P2RX3: variants seen among roughly 807,000 people sequenced by gnomAD.
P2RX3 encodes purinergic receptor P2X 3, also known as P2X purinoceptor 3.
Under a neutral mutation model 51.5 loss-of-function variants are expected in P2RX3, and 41 were observed. That is an observed-to-expected ratio of 0.80 (90% CI 0.62 to 1.03). P2RX3 has a LOEUF of 1.03. Among genes scored for constraint, P2RX3 ranks in the 50% least tolerant of loss-of-function variants. P2RX3 has a pLI of 0.00. For missense variants in P2RX3, 459 were observed against 522.1 expected, an observed-to-expected ratio of 0.88 and a Z score of 1.18; for synonymous variants, 185 against 191.6, an observed-to-expected ratio of 0.97 and a Z score of 0.29.
chr11:57,368,191 G>A, intron 9 of P2RX3, 89 bp downstream of exon 9: 4 of 1,425,648 alleles, frequency 2.8e-6, no homozygotes, highest in Non-Finnish European at 4.0e-6. Context: ...TGGGGGGCAG[G>A]GGTCTGCTGC....
At chr11:57,338,327 A>C (rs1856272321), upstream of P2RX3, 1 of 382,814 alleles carries the variant, frequency 2.6e-6, no homozygotes, top group Non-Finnish European at 4.8e-6. Context: ...AGACGAACAA[A>C]AAGGGGGTCC....
chr11:57,366,093 C>T (rs1011586205), intron 8 of P2RX3, among the ~76,000 whole-genome samples: 2 of 152,122 alleles, frequency 1.3e-5, no homozygotes, highest in African/African-American at 4.8e-5. Context: ...TCACTTAATC[C>T]TCACCACTTT....
intron 8 of P2RX3, among the ~76,000 whole-genome samples, chr11:57,362,332 G>A (rs1190768772): frequency 6.6e-6 from 1 of 152,162 alleles, no homozygotes; most frequent in African/African-American, 2.4e-5. Flanking sequence ...GTATCGAATG[G>A]TCCTGTCATT....
chr11:57,338,384 G>T lies in P2RX3; in HGVS notation c.-167G>T, dbSNP rs1856273436. The T allele has an allele frequency of 8.1e-6, 4 of 493,162 alleles. No individual in the cohort carries two copies. The allele number at this position is 493,162 out of a possible 1,614,324, so 30.5% of individuals were successfully genotyped here. A position where few individuals can be genotyped will look rare whatever the true frequency, so the allele number is the denominator to read the frequency against. ...TGGAAGCCAGAGTATCAAGAGCAGA[G>T]AATCTCACTAGGATTGCATGGCTTA... On this transcript the variant is annotated 5_prime_UTR_variant, in exon 1 of 12. Transcript: ENST00000263314.
At chr11:57,357,855 A>G (rs1856654753) in intron 8 of P2RX3, among the ~76,000 whole-genome samples, 1 of 152,224 alleles carries the variant, frequency 6.6e-6, no homozygotes, top group Admixed American at 6.5e-5. Flanking sequence ...AGTGTATTTC[A>G]GCTGGCAAAA....
chr11:57,339,606 T>G (rs985500446), intron 1 of P2RX3, among the ~76,000 whole-genome samples: 3 of 152,182 alleles, frequency 2.0e-5, no homozygotes, highest in Non-Finnish European at 2.9e-5. Context: ...TGTGGTCATT[T>G]CCACACACTG....
chr11:57,350,820 A>T lies in P2RX3; in HGVS notation c.764A>T (p.Gln255Leu), dbSNP rs772344531. 1 of 1,613,940 alleles carries T rather than the reference A, an allele frequency of 6.2e-7. No individual in the cohort carries two copies. Among genetic ancestry groups the T allele is most frequent in the South Asian group, 1.1e-5 (1 of 91,084 alleles). Reference sequence around the variant, plus strand: ...TGCGACTTGGACAAGGCCTGGGACCAGTGCATCCCCAAATACTCCTTCACC... The same window carrying T: ...TGCGACTTGGACAAGGCCTGGGACCTGTGCATCCCCAAATACTCCTTCACC... Reference protein sequence around the residue: ...WVCDLDKAWDQCIPKYSFTRL... With the variant: ...WVCDLDKAWDLCIPKYSFTRL... The change falls in exon 8 of 12, where the codon CAG becomes CTG. Residue 255 changes from glutamine (Q) to leucine (L), a missense_variant. Gln to Leu is a moderately radical substitution (Grantham distance 113). Coordinates refer to ENST00000263314, the MANE Select transcript of P2RX3 (RefSeq NM_002559.5).
chr11:57,366,127 C>A (rs1026343549), intron 8 of P2RX3, among the ~76,000 whole-genome samples: 5 of 152,116 alleles, frequency 3.3e-5, no homozygotes, highest in African/African-American at 1.2e-4. Context: ...CATCAGGAAC[C>A]CATTTTACAG....
chr11:57,347,565 C>A, intron 4 of P2RX3, 87 bp downstream of exon 4: 1 of 1,361,758 alleles, frequency 7.3e-7, no homozygotes, highest in Non-Finnish European at 1.0e-6. Context: ...GGAGTGGGAA[C>A]CAGCCTGTTC....
At chr11:57,342,693 A>G (rs1412180011) in intron 1 of P2RX3, among the ~76,000 whole-genome samples, 2 of 152,074 alleles carry the variant, frequency 1.3e-5, no homozygotes, top group Non-Finnish European at 2.9e-5. Flanking sequence ...GAGGTAACAT[A>G]TGTCAAGTGC....
chr11:57,358,008 G>A (rs564441406), intron 8 of P2RX3, among the ~76,000 whole-genome samples: 3 of 152,254 alleles, frequency 2.0e-5, no homozygotes, highest in East Asian at 1.9e-4. Flanking sequence ...TAACAGTTAC[G>A]TGTCCCTGCT....
chr11:57,348,951 T>C (rs1856493410), intron 6 of P2RX3, among the ~76,000 whole-genome samples: 2 of 152,212 alleles, frequency 1.3e-5, no homozygotes, highest in Admixed American at 1.3e-4. Flanking sequence ...GGAGTTTTGC[T>C]TGGGGTAGGA....
At chr11:57,364,965 A>G (rs1856775975) in intron 8 of P2RX3, among the ~76,000 whole-genome samples, 2 of 152,092 alleles carry the variant, frequency 1.3e-5, no homozygotes, top group African/African-American at 4.8e-5. Context: ...CCACAAGGAA[A>G]CACCTTCCCA....
Position 57,347,115 on chromosome 11 carries a change from G to C in P2RX3, c.256-1G>C. ...TTTCTCTCCCTTCTTCTCCTCCCAA[G>C]GGCACCTCGGTCTTTGTCATCATCA... On this transcript the variant is annotated splice_acceptor_variant, in intron 2 of 11. Transcript: ENST00000263314. LOFTEE classifies it high-confidence loss of function. 6.2e-7 allele frequency: 1 copy of C among 1,613,498 alleles called. No homozygotes were observed. Among genetic ancestry groups the C allele is most frequent in the Non-Finnish European group, 8.5e-7 (1 of 1,179,728 alleles).
At chr11:57,344,167 T>A (rs1412156692) in intron 1 of P2RX3, among the ~76,000 whole-genome samples, 4 of 152,198 alleles carry the variant, frequency 2.6e-5, no homozygotes, top group South Asian at 4.1e-4. Flanking sequence ...CTGCCTGCTC[T>A]AAAGGAGCAA....
chr11:57,342,770 C>T (rs1856364991), intron 1 of P2RX3, among the ~76,000 whole-genome samples: 1 of 151,750 alleles, frequency 6.6e-6, no homozygotes, highest in Non-Finnish European at 1.5e-5. Flanking sequence ...CCCCCATCAC[C>T]CCTCCCCCTT....
chr11:57,360,362 G>T (rs1856695426), intron 8 of P2RX3, among the ~76,000 whole-genome samples: 1 of 152,130 alleles, frequency 6.6e-6, no homozygotes, highest in Non-Finnish European at 1.5e-5. Context: ...GAAACCAGTG[G>T]CAGCAGGAGG....
intron 1 of P2RX3, among the ~76,000 whole-genome samples, chr11:57,341,503 A>G (rs985016712): frequency 6.0e-5 from 9 of 150,314 alleles, no homozygotes; most frequent in African/African-American, 2.0e-4. Context: ...TCCTTTACCC[A>G]CTCCAGGGCA....
chr11:57,368,616 G>A (rs1484492073), intron 10 of P2RX3, among the ~76,000 whole-genome samples, 179 bp downstream of exon 10: 1 of 152,188 alleles, frequency 6.6e-6, no homozygotes, highest in Non-Finnish European at 1.5e-5. Context: ...AGCCCTGGCT[G>A]GAACGTCTCC....
Sources: gnomAD v4.1 joint callset for allele counts (sites outside exome capture counted in the v4.1 genomes callset) on GRCh38, gnomAD v4.1.1 for gene constraint, MANE v1.5 for transcripts, NCBI Gene and HGNC (gene_info 2026-07-23, HGNC 2026-07-21) for gene names.